The following CELF2 variants were observed in gnomAD, a reference collection of about 807,000 sequenced individuals.
The protein encoded by CELF2 is CUG triplet repeat RNA-binding protein 2.
A neutral mutation model predicts 62.6 loss-of-function variants in CELF2; 8 were observed. The ratio of observed to expected loss-of-function variants is 0.13; its 90% CI spans 0.07 to 0.23. The LOEUF (loss-of-function observed/expected upper bound fraction) is 0.23. Among genes scored for constraint, CELF2 ranks in the 10% least tolerant of loss-of-function variants. CELF2 has a pLI of 1.00. For missense variants in CELF2, 333 were observed against 671.0 expected, an observed-to-expected ratio of 0.50 and a Z score of 5.56; for synonymous variants, 258 against 250.0, an observed-to-expected ratio of 1.03 and a Z score of -0.30.
Position 11,285,891 on chromosome 10 carries a change from T to G in CELF2, c.842-2527T>G, listed in dbSNP as rs2091158567. On this transcript the variant is annotated intron_variant, in intron 8 of 12. Transcript: ENST00000633077. The surrounding 1 kb of genome is among the most constrained non-coding windows in gnomAD (Gnocchi z 4.3). ...TGTGTGTGTGTGTTTTTACATGGAC[T>G]TGAAAATGAGTAAGACATAATTTTT... 7.1e-6 allele frequency among the ~76,000 whole-genome samples: 1 copy of G among 141,836 alleles called. No individual in the cohort carries two copies. The highest frequency in any genetic ancestry group is 7.3e-5 in the Admixed American group (1 of 13,726). 93.0% of individuals were successfully genotyped at this position (141,836 alleles called of 152,430 possible). A position where few individuals can be genotyped will look rare whatever the true frequency, so the allele number is the denominator to read the frequency against.
intron 1 of CELF2, among the ~76,000 whole-genome samples, chr10:11,026,150 G>A (rs1401256637): frequency 4.6e-5 from 7 of 152,146 alleles, no homozygotes; most frequent in East Asian, 3.8e-4. Context: ...GGTCCTCCGC[G>A]GACCACACCC....
At chr10:10,725,740 C>A in the CELF2 span, among the ~76,000 whole-genome samples, 4 of 152,146 alleles carry the variant, frequency 2.6e-5, no homozygotes, top group South Asian at 4.1e-4. Context: ...CTCTTGGCGA[C>A]GTGTTATAAT....
chr10:10,587,507 C>T, the CELF2 span, among the ~76,000 whole-genome samples: 1 of 152,018 alleles, frequency 6.6e-6, no homozygotes, highest in Non-Finnish European at 1.5e-5. Context: ...TTTAACTCAT[C>T]GGTCGTGGCA....
chr10:10,951,430 C>G lies in CELF2; in HGVS notation c.89+31431C>G, dbSNP rs544195116. Among the ~76,000 whole-genome samples the G allele has an allele frequency of 9.8e-5, 15 of 152,306 alleles. 1 individual carries two copies. The South Asian group carries it at 3.1e-3, about 32-fold the overall frequency. On this transcript the variant is annotated intron_variant, in intron 2 of 13. Coordinates refer to the CELF2 transcript ENST00000636488. ...GAGATTACAGTCATGAGTTACTACA[C>G]CTGGCCCTTCTCCAACACAAAAAAA...
At position 11,297,705 on chromosome 10, in the gene CELF2, T is replaced by TCA. The variant is rs1450960876; in HGVS notation, c.976+9157_976+9158dup. ...CTGTAATGGGGCCAGTCATGGCAGT[T>TCA]CACACCTGTAATCCCAGCACTTTGG... On this transcript the variant is annotated intron_variant, in intron 9 of 12. Transcript: ENST00000633077. The surrounding 1 kb of genome is among the most constrained non-coding windows in gnomAD (Gnocchi z 4.4). 6.6e-6 allele frequency among the ~76,000 whole-genome samples: 1 copy of TCA among 152,248 alleles called. No individual in the cohort carries two copies. Among genetic ancestry groups the TCA allele is most frequent in the Non-Finnish European group, 1.5e-5 (1 of 68,048 alleles).
intron 1 of CELF2, among the ~76,000 whole-genome samples, chr10:10,832,855 T>G (rs1000568142): frequency 4.6e-4 from 70 of 152,148 alleles, no homozygotes; most frequent in Admixed American, 3.5e-3. Context: ...AATTGGCCTA[T>G]CACCACAAAC....
the CELF2 span, among the ~76,000 whole-genome samples, chr10:10,736,488 T>C: frequency 2.6e-5 from 4 of 151,728 alleles, no homozygotes; most frequent in Admixed American, 2.6e-4. Flanking sequence ...AATGGATATT[T>C]ACGATCAACA....
At chr10:11,128,807 A>G (rs921798546) in intron 1 of CELF2, among the ~76,000 whole-genome samples, 2 of 152,312 alleles carry the variant, frequency 1.3e-5, no homozygotes, top group African/African-American at 4.8e-5. Context: ...TAGATATACA[A>G]TCATGTCGTC....
chr10:10,931,723 C>A lies in CELF2; in HGVS notation c.89+11724C>A, dbSNP rs1202601282. ...GATGCTTATGGACACCACAATGAAACCTTAAAATGAATCTCTTGATAATAG... is the reference window on the plus strand; with the variant it reads ...GATGCTTATGGACACCACAATGAAAACTTAAAATGAATCTCTTGATAATAG... On this transcript the variant is annotated intron_variant, in intron 2 of 13. Coordinates refer to the CELF2 transcript ENST00000636488. This position sits in a 1 kb window ranked among gnomAD's most constrained non-coding sequence, Gnocchi z 6.1. Among the ~76,000 whole-genome samples the A allele has an allele frequency of 6.6e-6, 1 of 152,112 alleles. No individual in the cohort carries two copies. Among genetic ancestry groups the A allele is most frequent in the East Asian group, 1.9e-4 (1 of 5,202 alleles).
chr10:11,057,046 G>T (rs1219495831), intron 1 of CELF2, among the ~76,000 whole-genome samples: 5 of 152,176 alleles, frequency 3.3e-5, no homozygotes, highest in African/African-American at 1.2e-4. Flanking sequence ...TGGAGGGGAG[G>T]CTGTGCTGGG....
chr10:11,201,252 A>G (rs913286777), intron 2 of CELF2, among the ~76,000 whole-genome samples: 1 of 152,200 alleles, frequency 6.6e-6, no homozygotes, highest in African/African-American at 2.4e-5. Context: ...ATCTGTAGGT[A>G]TTAGGATAGG....
intron 1 of CELF2, among the ~76,000 whole-genome samples, chr10:11,150,492 G>A (rs17449532): frequency 0.04 from 6,025 of 152,272 alleles, 140 homozygotes; most frequent in Middle Eastern, 0.048. Context: ...ATAATGGTCT[G>A]CAAGAACAAA....
chr10:10,612,291 G>A, the CELF2 span, among the ~76,000 whole-genome samples: 3 of 152,154 alleles, frequency 2.0e-5, no homozygotes, highest in Non-Finnish European at 2.9e-5. Flanking sequence ...CCAGGCACCG[G>A]TGAAATTATA....
intron 1 of CELF2, among the ~76,000 whole-genome samples, chr10:10,887,187 C>G (rs969465332): frequency 6.6e-6 from 1 of 151,546 alleles, no homozygotes; most frequent in Non-Finnish European, 1.5e-5. Flanking sequence ...GCCAATCCAA[C>G]TTGCAAAGCC....
At chr10:11,231,143 C>T (rs2068500456) in intron 3 of CELF2, among the ~76,000 whole-genome samples, 1 of 152,180 alleles carries the variant, frequency 6.6e-6, no homozygotes, top group African/African-American at 2.4e-5. Flanking sequence ...TGTAAGATTT[C>T]CCCTTGAGTG....
At chr10:10,553,369 T>G in the CELF2 span, among the ~76,000 whole-genome samples, 6 of 152,136 alleles carry the variant, frequency 3.9e-5, no homozygotes, top group East Asian at 3.9e-4. Flanking sequence ...CCAAACCATA[T>G]AATGCCTCTT....
At chr10:11,083,896 C>T (rs2074701121) in intron 1 of CELF2, among the ~76,000 whole-genome samples, 1 of 152,174 alleles carries the variant, frequency 6.6e-6, no homozygotes, top group Non-Finnish European at 1.5e-5. Flanking sequence ...CATGTACTGA[C>T]CACGTCTTCA....
chr10:11,115,923 TA>T (rs1366060138), intron 1 of CELF2, among the ~76,000 whole-genome samples: 5 of 152,212 alleles, frequency 3.3e-5, no homozygotes, highest in Non-Finnish European at 7.3e-5. Flanking sequence ...CCTTCCTTTG[TA>T]ATATATCTGA....
rs146582120 is a variant in CELF2 at position 11,203,110 on chromosome 10, G to A, written c.272-14315G>A. ...TTTCTGAAGGTTTAATAGAATCAGT[G>A]TCATTGGCAATGATTGAGAAAAATG... is the stretch of plus-strand genomic sequence containing the variant. On this transcript the variant is annotated intron_variant, in intron 2 of 12. Transcript: ENST00000633077. Among the ~76,000 whole-genome samples the A allele has an allele frequency of 4.7e-3, 716 of 152,158 alleles. 2 individuals carry two copies. Among genetic ancestry groups the A allele is most frequent in the African/African-American group, 0.016 (669 of 41,482 alleles).
Sources: gnomAD v4.1 joint callset for allele counts (sites outside exome capture counted in the v4.1 genomes callset) on GRCh38, gnomAD v4.1.1 for gene constraint, Gnocchi (gnomAD v3.1) non-coding constraint, MANE v1.5 for transcripts, NCBI Gene and HGNC (gene_info 2026-07-23, HGNC 2026-07-21) for gene names.